The following CTNNA2 variants were observed in gnomAD, a reference collection of about 807,000 sequenced individuals.
The protein encoded by CTNNA2 is catenin alpha 2.
Under a neutral mutation model 101.0 loss-of-function variants are expected in CTNNA2, and 42 were observed. The observed-to-expected ratio is 0.42, with a 90% CI of 0.32 to 0.54. CTNNA2 has a LOEUF of 0.54. Among genes scored for constraint, CTNNA2 ranks in the 20% least tolerant of loss-of-function variants. The pLI, the probability that CTNNA2 is intolerant of heterozygous loss-of-function variation, is 0.14. For missense variants in CTNNA2, 871 were observed against 1,223.1 expected (o/e 0.71, Z 4.29); for synonymous variants, 450 against 456.4 (o/e 0.99, Z 0.18).
intron 1 of CTNNA2, among the ~76,000 whole-genome samples, chr2:79,528,556 C>T (rs981061394): frequency 6.6e-6 from 1 of 151,998 alleles, no homozygotes; most frequent in Non-Finnish European, 1.5e-5. Flanking sequence ...GTAAATATTG[C>T]TTATGAATTA....
chr2:80,254,096 C>G (rs916925696), intron 7 of CTNNA2, among the ~76,000 whole-genome samples: 15 of 152,014 alleles, frequency 9.9e-5, no homozygotes, highest in Non-Finnish European at 5.9e-5. Flanking sequence ...AATTTAGGGG[C>G]CATTGTAGTG....
At chr2:80,192,022 C>A (rs193210324) in intron 7 of CTNNA2, among the ~76,000 whole-genome samples, 5 of 152,218 alleles carry the variant, frequency 3.3e-5, no homozygotes, top group East Asian at 1.9e-4. Context: ...TACCATAATT[C>A]AAACTGATTA....
chr2:79,382,400 G>A (rs1678049466), intron 4 of CTNNA2, among the ~76,000 whole-genome samples: 1 of 151,962 alleles, frequency 6.6e-6, no homozygotes, highest in Non-Finnish European at 1.5e-5. Context: ...CTCTGTCTGG[G>A]TATGTGTGTG....
intron 7 of CTNNA2, among the ~76,000 whole-genome samples, chr2:80,246,122 C>G (rs916394663): frequency 6.6e-6 from 1 of 152,068 alleles, no homozygotes; most frequent in Non-Finnish European, 1.5e-5. Context: ...CTGTTTATAT[C>G]TTGCCTCTCT....
chr2:80,610,201 G>T (rs949783334), intron 17 of CTNNA2, among the ~76,000 whole-genome samples: 3 of 151,620 alleles, frequency 2.0e-5, no homozygotes, highest in Non-Finnish European at 4.4e-5. Flanking sequence ...GCTGTTTGGT[G>T]CCACACCTAC....
At chr2:79,933,842 A>C (rs1343573706) in intron 7 of CTNNA2, among the ~76,000 whole-genome samples, 4 of 152,154 alleles carry the variant, frequency 2.6e-5, no homozygotes, top group Non-Finnish European at 5.9e-5. Context: ...ACCTGCATTA[A>C]TGCTTTGTGT....
chr2:80,593,561 G>A lies in CTNNA2; in HGVS notation c.2189+4076G>A, dbSNP rs1187443070. 6.6e-5 allele frequency among the ~76,000 whole-genome samples: 10 copies of A among 152,048 alleles called. 1 individual carries two copies. The highest frequency in any genetic ancestry group is 6.6e-4 in the Admixed American group (10 of 15,246). ...TAAGTGTACATTTCTATGGCATTCA[G>A]TACATTTACACTGTTGTGCAACCAT... On this transcript the variant is annotated intron_variant, in intron 15 of 18. Coordinates refer to ENST00000402739, the MANE Select transcript of CTNNA2 (RefSeq NM_001282597.3).
intron 2 of CTNNA2, among the ~76,000 whole-genome samples, chr2:79,262,662 C>A (rs1053951668): frequency 5.3e-5 from 8 of 152,090 alleles, no homozygotes; most frequent in African/African-American, 1.7e-4. Flanking sequence ...AGGTCATGCT[C>A]CAGACCTATA....
At chr2:79,710,471 T>A (rs1685668719) in intron 2 of CTNNA2, among the ~76,000 whole-genome samples, 1 of 152,202 alleles carries the variant, frequency 6.6e-6, no homozygotes. Flanking sequence ...AATGTTATAT[T>A]TGTTAGTCAT....
intron 8 of CTNNA2, among the ~76,000 whole-genome samples, chr2:80,407,495 C>G (rs954004803): frequency 2.6e-5 from 4 of 152,178 alleles, no homozygotes; most frequent in African/African-American, 9.6e-5. Context: ...GTATTGACTG[C>G]TTTTGTGCTA....
At chr2:79,313,528 A>C (rs2104402427) in intron 3 of CTNNA2, among the ~76,000 whole-genome samples, 1 of 152,282 alleles carries the variant, frequency 6.6e-6, no homozygotes, top group African/African-American at 2.4e-5. Flanking sequence ...TCAGCTAGGA[A>C]GTAGCAGAGC....
chr2:79,506,540 C>T (rs1299994488), intron 5 of CTNNA2, among the ~76,000 whole-genome samples: 1 of 152,138 alleles, frequency 6.6e-6, no homozygotes, highest in African/African-American at 2.4e-5. Context: ...TAGAGGTACT[C>T]TTCACATCAA....
At chr2:80,187,792 T>TCTA (rs1207766123) in intron 7 of CTNNA2, among the ~76,000 whole-genome samples, 1 of 152,094 alleles carries the variant, frequency 6.6e-6, no homozygotes, top group Non-Finnish European at 1.5e-5. Flanking sequence ...ACCTTGAATG[T>TCTA]CTACATCTCT....
At chr2:80,026,756 T>G (rs915850054) in intron 7 of CTNNA2, among the ~76,000 whole-genome samples, 1 of 152,200 alleles carries the variant, frequency 6.6e-6, no homozygotes, top group Non-Finnish European at 1.5e-5. Context: ...AGGTATGAAG[T>G]GTAGCTGAAA....
intron 7 of CTNNA2, among the ~76,000 whole-genome samples, chr2:80,057,517 T>C (rs75839497): frequency 0.013 from 2,031 of 152,304 alleles, 34 homozygotes; most frequent in African/African-American, 0.044. Flanking sequence ...CATCCAGCTC[T>C]GATGATGACC....
chr2:80,325,693 G>A (rs1255080916), intron 7 of CTNNA2, among the ~76,000 whole-genome samples: 1 of 152,176 alleles, frequency 6.6e-6, no homozygotes, highest in African/African-American at 2.4e-5. Flanking sequence ...ATTAGATACA[G>A]TTTTGCTGCA....
At chr2:80,200,336 C>T (rs1056234666) in intron 7 of CTNNA2, among the ~76,000 whole-genome samples, 10 of 152,064 alleles carry the variant, frequency 6.6e-5, no homozygotes, top group African/African-American at 2.4e-4. Context: ...AAGGGATGAA[C>T]CTAGAATATA....
intron 2 of CTNNA2, among the ~76,000 whole-genome samples, chr2:79,200,097 A>G (rs1674013358): frequency 6.6e-6 from 1 of 152,114 alleles, no homozygotes; most frequent in Non-Finnish European, 1.5e-5. Context: ...CCCATCATGA[A>G]GGTATCAGAT....
At chr2:80,180,988 C>T (rs1705741212) in intron 7 of CTNNA2, among the ~76,000 whole-genome samples, 1 of 152,176 alleles carries the variant, frequency 6.6e-6, no homozygotes, top group Non-Finnish European at 1.5e-5. Context: ...ATGTTCCTTC[C>T]ATCATTATCC....
Sources: gnomAD v4.1 joint callset for allele counts (sites outside exome capture counted in the v4.1 genomes callset) on GRCh38, gnomAD v4.1.1 for gene constraint, MANE v1.5 for transcripts, NCBI Gene and HGNC (gene_info 2026-07-23, HGNC 2026-07-21) for gene names.